ZFP1: variants seen among roughly 807,000 people sequenced by gnomAD.
ZFP1 encodes zinc finger protein 1 homolog.
Under a neutral mutation model 38.5 loss-of-function variants are expected in ZFP1, and 32 were observed. The ratio of observed to expected loss-of-function variants is 0.83; its 90% CI spans 0.63 to 1.12. The LOEUF is 1.12. ZFP1 is among the 50% of genes most tolerant of loss of function. ZFP1 has a pLI of 0.00. For missense variants in ZFP1, 616 were observed against 480.8 expected (o/e 1.28, Z -2.63); for synonymous variants, 245 against 168.8 (o/e 1.45, Z -3.50).
the ZFP1 span, among the ~76,000 whole-genome samples, chr16:75,124,681 G>A: frequency 6.7e-6 from 1 of 150,160 alleles, no homozygotes; most frequent in East Asian, 2.0e-4. Flanking sequence ...CATCTACTTG[G>A]GAGGCTGAGG....
chr16:75,150,048 G>A (rs1038111541), intron 1 of ZFP1, among the ~76,000 whole-genome samples: 1 of 151,884 alleles, frequency 6.6e-6, no homozygotes, highest in African/African-American at 2.4e-5. Context: ...GCTTCCCAAA[G>A]TGCTGGGATT....
chr16:75,138,031 T>G, the ZFP1 span, among the ~76,000 whole-genome samples: 1 of 46,606 alleles, frequency 2.1e-5, no homozygotes, highest in South Asian at 5.9e-4. Flanking sequence ...TTCCTTTTTT[T>G]TTTTTTTTTT....
chr16:75,156,716 A>G (rs2037487645), intron 2 of ZFP1, among the ~76,000 whole-genome samples: 1 of 152,154 alleles, frequency 6.6e-6, no homozygotes, highest in Non-Finnish European at 1.5e-5. Flanking sequence ...GATGCTATGC[A>G]TTTTCTGCAT....
At chr16:75,119,718 T>C in the ZFP1 span, 1 of 152,226 alleles carries the variant, frequency 6.6e-6, no homozygotes, top group Non-Finnish European at 1.5e-5. Flanking sequence ...TGTTTTGTTG[T>C]TGTTCATTTC....
At chr16:75,166,919 G>C in intron 3 of ZFP1, 23 bp downstream of exon 3, 1 of 1,609,800 alleles carries the variant, frequency 6.2e-7, no homozygotes, top group Non-Finnish European at 8.5e-7. Context: ...TTCAGGTACA[G>C]CTCACCATGT....
At chr16:75,142,542 C>G in the ZFP1 span, among the ~76,000 whole-genome samples, 230 of 152,270 alleles carry the variant, frequency 1.5e-3, 1 homozygote, top group Non-Finnish European at 1.7e-3. Context: ...CCAAAAGTGT[C>G]TCTAGCACCA....
chr16:75,144,918 A>G (rs1026689136), upstream of ZFP1, among the ~76,000 whole-genome samples: 1 of 151,948 alleles, frequency 6.6e-6, no homozygotes, highest in Non-Finnish European at 1.5e-5. Flanking sequence ...GCAGCCTCGA[A>G]CTCCTGGGTC....
chr16:75,135,236 A>G, the ZFP1 span, among the ~76,000 whole-genome samples: 1 of 145,184 alleles, frequency 6.9e-6, no homozygotes, highest in Non-Finnish European at 1.5e-5. Flanking sequence ...AAAAAAAACC[A>G]CTGGAAACAG....
the ZFP1 span, among the ~76,000 whole-genome samples, chr16:75,141,729 A>T: frequency 7.3e-6 from 1 of 137,824 alleles, no homozygotes; most frequent in Non-Finnish European, 1.6e-5. Context: ...TCTGCAAAAT[A>T]AACAAATTAA....
chr16:75,153,091 A>C, intron 2 of ZFP1, 125 bp downstream of exon 2: 1 of 1,296,310 alleles, frequency 7.7e-7, no homozygotes. Context: ...ATAACTAATC[A>C]ATACCAGCAG....
intron 2 of ZFP1, chr16:75,166,441 G>T (rs1031624352): frequency 1.8e-6 from 1 of 546,122 alleles, no homozygotes; most frequent in Non-Finnish European, 2.3e-6. Flanking sequence ...GTCCAGGCTG[G>T]TCTCGAACTC....
At chr16:75,134,673 A>T in the ZFP1 span, among the ~76,000 whole-genome samples, 1 of 149,960 alleles carries the variant, frequency 6.7e-6, no homozygotes, top group Non-Finnish European at 1.5e-5. Context: ...AATGGCGTGA[A>T]CCGGGAGGCA....
chr16:75,166,576 G>C (rs1220525398), intron 2 of ZFP1, 194 bp from the exon 3 acceptor site: 1 of 985,250 alleles, frequency 1.0e-6, no homozygotes, highest in Non-Finnish European at 1.2e-6. Context: ...GACAGTGCCA[G>C]AGATATAGGG....
chr16:75,168,983 C>T (rs1597088441), intron 3 of ZFP1, among the ~76,000 whole-genome samples: 1 of 152,154 alleles, frequency 6.6e-6, no homozygotes. Flanking sequence ...CTCCTTTCAC[C>T]CTCTCTGCCC....
the ZFP1 span, among the ~76,000 whole-genome samples, chr16:75,132,954 C>A: frequency 6.7e-6 from 1 of 149,280 alleles, no homozygotes; most frequent in African/African-American, 2.5e-5. Context: ...CCACCACGCC[C>A]AGCCTCATTT....
the ZFP1 span, among the ~76,000 whole-genome samples, chr16:75,142,403 G>A: frequency 6.6e-6 from 1 of 151,748 alleles, no homozygotes; most frequent in East Asian, 1.9e-4. Context: ...TTTCTGTGAG[G>A]CCAGCTGCTG....
chr16:75,167,967 C>T (rs1003348821), intron 3 of ZFP1, among the ~76,000 whole-genome samples: 6 of 152,128 alleles, frequency 3.9e-5, no homozygotes, highest in Non-Finnish European at 2.9e-5. Context: ...GTGGCATGTG[C>T]CTGTAATCCC....
intron 2 of ZFP1, among the ~76,000 whole-genome samples, chr16:75,156,017 A>G (rs1160713569): frequency 6.6e-6 from 1 of 152,192 alleles, no homozygotes; most frequent in East Asian, 1.9e-4. Flanking sequence ...TATTTTTTAA[A>G]TTACACTAGC....
intron 2 of ZFP1, 149 bp from the exon 3 acceptor site, chr16:75,166,621 T>C: frequency 6.8e-7 from 1 of 1,464,278 alleles, no homozygotes; most frequent in Non-Finnish European, 9.0e-7. Flanking sequence ...TATAAAAATA[T>C]ATTTTGGAAG....
Sources: allele counts gnomAD v4.1 joint callset (sites outside exome capture counted in the v4.1 genomes callset), GRCh38; gene constraint gnomAD v4.1.1; transcripts MANE v1.5; gene names NCBI Gene and HGNC (gene_info 2026-07-23, HGNC 2026-07-21).